CCSER1: variants seen among roughly 807,000 people sequenced by gnomAD.
The protein encoded by CCSER1 is serine-rich coiled-coil domain-containing protein 1.
CCSER1 carries 41 observed loss-of-function variants against 82.0 expected under a neutral mutation model. The ratio of observed to expected loss-of-function variants is 0.50; its 90% CI spans 0.39 to 0.65. The LOEUF (loss-of-function observed/expected upper bound fraction) is 0.65. CCSER1 is among the 30% of genes least tolerant of loss of function. The pLI is 0.00. For synonymous variants in CCSER1, 414 were observed against 383.9 expected, an observed-to-expected ratio of 1.08 and a Z score of -0.92; for missense variants, 1,119 against 1,064.2, an observed-to-expected ratio of 1.05 and a Z score of -0.72.
intron 5 of CCSER1, among the ~76,000 whole-genome samples, chr4:90,505,194 C>T (rs564363238): frequency 3.7e-4 from 57 of 152,206 alleles, no homozygotes; most frequent in East Asian, 3.9e-4. Context: ...TAGAAATGAA[C>T]GAGAAAAGGT....
At chr4:91,197,403 C>A (rs150198799) in intron 10 of CCSER1, among the ~76,000 whole-genome samples, 231 of 152,264 alleles carry the variant, frequency 1.5e-3, no homozygotes, top group African/African-American at 5.2e-3. Flanking sequence ...ATATTTAATT[C>A]AAAGAATCCC....
At chr4:90,462,636 T>G (rs1763096873) in intron 4 of CCSER1, among the ~76,000 whole-genome samples, 1 of 152,176 alleles carries the variant, frequency 6.6e-6, no homozygotes, top group Admixed American at 6.5e-5. Context: ...CTCAGGAGGC[T>G]GAGGCAGGCG....
intron 10 of CCSER1, among the ~76,000 whole-genome samples, chr4:91,099,156 C>T (rs1724809736): frequency 6.6e-6 from 1 of 152,158 alleles, no homozygotes; most frequent in African/African-American, 2.4e-5. Flanking sequence ...ATGCAGAATA[C>T]ACTATCTTGA....
intron 10 of CCSER1, among the ~76,000 whole-genome samples, chr4:91,124,351 G>A (rs1727326178): frequency 6.6e-6 from 1 of 151,714 alleles, no homozygotes; most frequent in Non-Finnish European, 1.5e-5. Flanking sequence ...AAAAACCGAT[G>A]CACATCTTTG....
At chr4:90,979,516 C>T (rs1002630924) in intron 9 of CCSER1, among the ~76,000 whole-genome samples, 4 of 151,420 alleles carry the variant, frequency 2.6e-5, no homozygotes, top group African/African-American at 9.7e-5. Context: ...TTTATTTTTT[C>T]GTTATGCAAG....
intron 10 of CCSER1, among the ~76,000 whole-genome samples, chr4:91,463,225 G>C (rs770655517): frequency 6.6e-6 from 1 of 152,180 alleles, no homozygotes; most frequent in Admixed American, 6.5e-5. Context: ...TGCAGCCTCC[G>C]CTGCTGATAC....
At chr4:90,546,127 CT>C (rs373727683) in intron 5 of CCSER1, among the ~76,000 whole-genome samples, 28 of 152,156 alleles carry the variant, frequency 1.8e-4, no homozygotes, top group African/African-American at 6.0e-4. Context: ...AGTTTGACAG[CT>C]TAAGGTCTAG....
intron 4 of CCSER1, among the ~76,000 whole-genome samples, chr4:90,427,239 C>T (rs1757647358): frequency 6.6e-6 from 1 of 151,608 alleles, no homozygotes; most frequent in South Asian, 2.1e-4. Flanking sequence ...TTGGAGAATT[C>T]GGACAAAAAT....
intron 10 of CCSER1, among the ~76,000 whole-genome samples, chr4:91,132,618 A>G (rs540222545): frequency 4.4e-4 from 67 of 152,334 alleles, no homozygotes; most frequent in African/African-American, 1.4e-3. Flanking sequence ...CCCTTCAAGG[A>G]GTTCACAGTC....
chr4:90,249,968 T>G (rs1260913745), intron 1 of CCSER1, among the ~76,000 whole-genome samples: 1 of 152,100 alleles, frequency 6.6e-6, no homozygotes, highest in East Asian at 1.9e-4. Context: ...TCATTGTGGG[T>G]TTGATTTGCA....
chr4:91,303,628 G>T (rs1026685380), intron 10 of CCSER1, among the ~76,000 whole-genome samples: 3 of 151,386 alleles, frequency 2.0e-5, no homozygotes, highest in Admixed American at 6.6e-5. Flanking sequence ...TCTACAAAAA[G>T]AATAATAATA....
intron 6 of CCSER1, among the ~76,000 whole-genome samples, chr4:90,682,143 G>C (rs13109638): frequency 0.039 from 5,866 of 151,788 alleles, 179 homozygotes; most frequent in South Asian, 0.095. Flanking sequence ...CAAACATGGT[G>C]TAGGTAAATC....
At chr4:91,367,171 G>T (rs67891141) in intron 10 of CCSER1, among the ~76,000 whole-genome samples, 1,999 of 147,018 alleles carry the variant, frequency 0.014, 23 homozygotes, top group Non-Finnish European at 0.021. Context: ...TGCAAAGTTC[G>T]CTTGTTATGG....
chr4:91,020,523 G>A (rs55826601), intron 9 of CCSER1, among the ~76,000 whole-genome samples: 53,505 of 151,898 alleles, frequency 0.35, 10,620 homozygotes, highest in East Asian at 0.58. Context: ...TTAGCCGGGT[G>A]TGGTGGCGGG....
intron 10 of CCSER1, among the ~76,000 whole-genome samples, chr4:91,181,990 G>A (rs1414550287): frequency 6.6e-6 from 1 of 152,202 alleles, no homozygotes; most frequent in Non-Finnish European, 1.5e-5. Context: ...CATGGCAGTG[G>A]TGATAACCGC....
intron 10 of CCSER1, among the ~76,000 whole-genome samples, chr4:91,262,157 A>G (rs543324517): frequency 2.2e-4 from 34 of 152,120 alleles, no homozygotes; most frequent in Non-Finnish European, 4.3e-4. Flanking sequence ...CTGTTACCAA[A>G]CTATTTGGGT....
Position 90,915,008 on chromosome 4 carries a change from T to C in CCSER1, c.2095-8362T>C, listed in dbSNP as rs11934899. 3.4e-3 allele frequency among the ~76,000 whole-genome samples: 520 copies of C among 152,214 alleles called. 4 individuals carry two copies. Among genetic ancestry groups the C allele is most frequent in the African/African-American group, 0.012 (500 of 41,538 alleles). On this transcript the variant is annotated intron_variant, in intron 8 of 10. Coordinates refer to ENST00000509176, the MANE Select transcript of CCSER1 (RefSeq NM_001145065.2). ...AATAGACCAATAACAGGCTCTGAAATTGAGGCAATAATTAATAGCATACTA... is the reference window on the plus strand; with the variant it reads ...AATAGACCAATAACAGGCTCTGAAACTGAGGCAATAATTAATAGCATACTA...
chr4:91,288,754 G>A (rs539574690), intron 10 of CCSER1, among the ~76,000 whole-genome samples: 2 of 152,084 alleles, frequency 1.3e-5, no homozygotes, highest in South Asian at 2.1e-4. Flanking sequence ...ATCCATTGCA[G>A]CTAGGGGAAG....
In CCSER1 at chr4:90,974,658, CAGTGAAATA is replaced by C. The variant is rs1317874554; in HGVS notation, c.2172+51212_2172+51220del. ...ATTAGGGGTATGCAAGTCAGAACCACAGTGAAATACTTCATAACCATAGGATAGTTAAAA... is the reference window on the plus strand; with the variant it reads ...ATTAGGGGTATGCAAGTCAGAACCACCTTCATAACCATAGGATAGTTAAAA... On this transcript the variant is annotated intron_variant, in intron 9 of 10. Transcript: ENST00000509176. Among the ~76,000 whole-genome samples the C allele has an allele frequency of 3.3e-5, 5 of 151,294 alleles. No individual in the cohort carries two copies. The East Asian group carries it at 7.8e-4, about 23-fold the overall frequency.
Sources: gnomAD v4.1 joint callset for allele counts (sites outside exome capture counted in the v4.1 genomes callset) on GRCh38, gnomAD v4.1.1 for gene constraint, MANE v1.5 for transcripts, NCBI Gene and HGNC (gene_info 2026-07-23, HGNC 2026-07-21) for gene names.